The following SHROOM2 variants were observed in gnomAD, a reference collection of about 807,000 sequenced individuals.
SHROOM2 encodes the protein protein Shroom2.
A neutral mutation model predicts 75.9 loss-of-function variants in SHROOM2; 33 were observed. The observed-to-expected ratio is 0.43, with a 90% CI of 0.33 to 0.58. SHROOM2 has a LOEUF of 0.58. Among genes scored for constraint, SHROOM2 ranks in the 20% least tolerant of loss-of-function variants. SHROOM2 has a pLI of 0.04. For synonymous variants in SHROOM2, 655 were observed against 663.6 expected (o/e 0.99, Z 0.20); for missense variants, 1,434 against 1,461.2 (o/e 0.98, Z 0.30).
intron 1 of SHROOM2, among the ~76,000 whole-genome samples, chrX:9,827,787 C>T (rs753660374): frequency 1.4e-3 from 157 of 110,345 alleles, no homozygotes; most frequent in Admixed American, 9.6e-4. Context: ...AGGAGGCCTT[C>T]CTCCGCTGAG....
intron 1 of SHROOM2, among the ~76,000 whole-genome samples, chrX:9,843,709 A>G (rs986280769): frequency 8.9e-6 from 1 of 112,218 alleles, no homozygotes; most frequent in African/African-American, 3.2e-5. Context: ...CCCACATGAC[A>G]TTTAGTCTTC....
intron 1 of SHROOM2, among the ~76,000 whole-genome samples, chrX:9,805,579 T>G (rs1292468044): frequency 9.2e-6 from 1 of 108,504 alleles, no homozygotes; most frequent in Non-Finnish European, 1.9e-5. Flanking sequence ...CTACTAAAGA[T>G]TAAAAAATTA....
Position 9,816,523 on chromosome X carries a change from T to A in SHROOM2, c.165+29813T>A, listed in dbSNP as rs766836982. Among the ~76,000 whole-genome samples, 9 of 112,117 alleles carry A rather than the reference T, an allele frequency of 8.0e-5. No homozygotes were observed. The South Asian group carries it at 3.0e-3, about 38-fold the overall frequency. On this transcript the variant is annotated intron_variant, in intron 1 of 9. Transcript: ENST00000380913. ...TGAGCCTTCAGGAAGACATGCCTGG[T>A]CACCGGCATCCTTGTGGTCCTTGTG...
At chrX:9,942,510 C>T (rs1042028151) in intron 8 of SHROOM2, among the ~76,000 whole-genome samples, 1 of 112,179 alleles carries the variant, frequency 8.9e-6, no homozygotes, top group African/African-American at 3.2e-5. Context: ...TTGGGGTTCC[C>T]ATGACCCCCT....
intron 1 of SHROOM2, among the ~76,000 whole-genome samples, chrX:9,860,239 A>G (rs369826342): frequency 2.1e-4 from 24 of 111,880 alleles, no homozygotes; most frequent in African/African-American, 7.5e-4. Flanking sequence ...AAATGTCAAT[A>G]GTGCTGAGGT....
At chrX:9,857,849 C>T (rs181055114) in intron 1 of SHROOM2, among the ~76,000 whole-genome samples, 1,367 of 110,975 alleles carry the variant, frequency 0.012, 12 homozygotes, top group African/African-American at 0.041. Flanking sequence ...TCACTACCCC[C>T]GACACTGGGT....
At chrX:9,810,783 G>A in intron 1 of SHROOM2, among the ~76,000 whole-genome samples, 1 of 110,625 alleles carries the variant, frequency 9.0e-6, no homozygotes, top group Admixed American at 9.7e-5. Flanking sequence ...ATGGCCTTCT[G>A]AAGAACTTTG....
chrX:9,928,864 C>T (rs1205298715), intron 5 of SHROOM2, among the ~76,000 whole-genome samples: 1 of 112,498 alleles, frequency 8.9e-6, no homozygotes, highest in Non-Finnish European at 1.9e-5. Context: ...TACATCTATG[C>T]AGAGATATAC....
At chrX:9,823,292 G>C (rs1011063756) in intron 1 of SHROOM2, among the ~76,000 whole-genome samples, 62 of 106,342 alleles carry the variant, frequency 5.8e-4, no homozygotes, top group Non-Finnish European at 8.7e-4. Context: ...GCTCAAACTG[G>C]AGTACAGTGG....
intron 5 of SHROOM2, among the ~76,000 whole-genome samples, chrX:9,930,831 C>T (rs2084642058): frequency 9.0e-6 from 1 of 110,628 alleles, no homozygotes; most frequent in Non-Finnish European, 1.9e-5. Context: ...CAACCTCCAC[C>T]TCCCAGGTTC....
At chrX:9,926,038 A>G (rs1176168384) in intron 5 of SHROOM2, among the ~76,000 whole-genome samples, 1 of 111,554 alleles carries the variant, frequency 9.0e-6, no homozygotes, top group Non-Finnish European at 1.9e-5. Flanking sequence ...CCCATCACAG[A>G]CTGACCCTTT....
At position 9,894,653 on chromosome X, in the gene SHROOM2, G is replaced by T. The variant is rs1000033619; in HGVS notation, c.745G>T (p.Gly249Cys). Residue 249 changes from glycine to cysteine, a missense_variant, in exon 4 of 10, where the codon GGC (glycine) becomes TGC (cysteine). Transcript: ENST00000380913. Reference sequence around the variant, plus strand: ...CCTCTGGGAGGCTCCCAGGCAGGGTGGCCGGCAGGCCCAGGCCGCAGGCGA... The same window carrying T: ...CCTCTGGGAGGCTCCCAGGCAGGGTTGCCGGCAGGCCCAGGCCGCAGGCGA... Reference protein sequence around the residue: ...VGLWEAPRQGGRQAQAAGDPQ... With the variant: ...VGLWEAPRQGCRQAQAAGDPQ... The T allele has an allele frequency of 8.3e-7, 1 of 1,211,602 alleles. No homozygotes were observed. Among genetic ancestry groups the T allele is most frequent in the South Asian group, 1.8e-5 (1 of 56,902 alleles).
intron 1 of SHROOM2, among the ~76,000 whole-genome samples, chrX:9,838,954 C>T (rs1481898417): frequency 9.0e-6 from 1 of 111,370 alleles, no homozygotes; most frequent in Non-Finnish European, 1.9e-5. Context: ...TTAAGGAATA[C>T]AAAGGATCTT....
At position 9,896,038 on chromosome X, in the gene SHROOM2, C is replaced by T. The variant is rs761734408; in HGVS notation, c.2130C>T (p.Tyr710=). ...RDLDPNPGDL[Y]PESLEHRMGD... Reference sequence around the variant, plus strand: ...TGGACCCCAACCCAGGAGACCTATACCCGGAGTCACTGGAACACCGGATGG... The same window carrying T: ...TGGACCCCAACCCAGGAGACCTATATCCGGAGTCACTGGAACACCGGATGG... Residue 710 remains tyrosine (Y), a synonymous_variant, in exon 4 of 10, where the codon TAC becomes TAT. Transcript: ENST00000380913. The T allele has an allele frequency of 5.0e-6, 6 of 1,209,437 alleles. No homozygotes were observed. Among genetic ancestry groups the T allele is most frequent in the Non-Finnish European group, 5.6e-6 (5 of 895,092 alleles).
At chrX:9,794,541 G>A (rs1023013373) in intron 1 of SHROOM2, among the ~76,000 whole-genome samples, 2 of 111,000 alleles carry the variant, frequency 1.8e-5, no homozygotes, top group African/African-American at 6.6e-5. Context: ...GGTTAATTTT[G>A]TATTTTTAGT....
At chrX:9,945,438 T>G (rs1462814561) in intron 9 of SHROOM2, among the ~76,000 whole-genome samples, 1 of 111,132 alleles carries the variant, frequency 9.0e-6, no homozygotes, top group African/African-American at 3.3e-5. Context: ...GGGGAAAAGG[T>G]GCTTATCAGA....
rs143123845 is a variant in SHROOM2, at chrX:9,795,097, T to TTTTCTTTCTTTC, written c.165+8399_165+8410dup. Among the ~76,000 whole-genome samples, 805 of 99,617 alleles carry TTTTCTTTCTTTC rather than the reference T, an allele frequency of 8.1e-3. 13 individuals are homozygous for TTTTCTTTCTTTC. Among genetic ancestry groups the TTTTCTTTCTTTC allele is most frequent in the African/African-American group, 0.026 (723 of 27,441 alleles). 86.5% of individuals were successfully genotyped at this position (99,617 alleles called of 115,157 possible). ...TCTACTTTTTCCCTCTCATTTTTCT[T>TTTTCTTTCTTTC]TTTCTTTCTTTCTTTCTTTCTTTTT... On this transcript the variant is annotated intron_variant, in intron 1 of 9. Transcript: ENST00000380913.
In SHROOM2 at chrX:9,931,003, A is replaced by G. The variant is rs1226626080; in HGVS notation, c.2892-1172A>G. 4.6e-5 allele frequency among the ~76,000 whole-genome samples: 5 copies of G among 109,668 alleles called. No individual in the cohort carries two copies. In the East Asian group the frequency reaches 1.2e-3, roughly 26 times the overall value. On this transcript the variant is annotated intron_variant, in intron 5 of 9. Coordinates refer to ENST00000380913, the MANE Select transcript of SHROOM2 (RefSeq NM_001649.4). ...AGTGATCCACCCGCCTCGGCCTCCCAAAGTGCTGGGATTACAGATGTGAGC... is the reference window on the plus strand; with the variant it reads ...AGTGATCCACCCGCCTCGGCCTCCCGAAGTGCTGGGATTACAGATGTGAGC...
At chrX:9,929,162 C>A (rs1208784355) in intron 5 of SHROOM2, among the ~76,000 whole-genome samples, 1 of 112,342 alleles carries the variant, frequency 8.9e-6, no homozygotes, top group African/African-American at 3.2e-5. Flanking sequence ...CAGCAAGTCC[C>A]CAATCCCCAT....
Sources: allele counts gnomAD v4.1 joint callset (sites outside exome capture counted in the v4.1 genomes callset), GRCh38; gene constraint gnomAD v4.1.1; transcripts MANE v1.5; gene names NCBI Gene and HGNC (gene_info 2026-07-23, HGNC 2026-07-21).